Variants in DUSP4 observed in about 807,000 individuals in gnomAD.
The protein encoded by DUSP4 is dual specificity protein phosphatase 4.
DUSP4 carries 12 observed loss-of-function variants against 27.2 expected under a neutral mutation model. That is an observed-to-expected ratio of 0.44 (90% CI 0.28 to 0.71). The LOEUF (loss-of-function observed/expected upper bound fraction) is 0.71, where lower values mean the gene tolerates loss of function less well. Among genes scored for constraint, DUSP4 ranks in the 30% least tolerant of loss-of-function variants. The probability of loss-of-function intolerance (pLI) is 0.14; values close to 1 mark genes in which losing one functional copy is unlikely to be tolerated. For synonymous variants in DUSP4, 257 were observed against 245.2 expected (o/e 1.05, Z -0.45); for missense variants, 448 against 551.3 (o/e 0.81, Z 1.88).
Position 29,345,988 on chromosome 8 carries a change from G to T in DUSP4, c.433+3858C>A, listed in dbSNP as rs149314593. The stretch of plus-strand genomic sequence containing the variant: ...GTCATTTTCCCTTTAGGTAGAAAAG[G>T]TATGCAATATTGACATCCCCCAGAG... On this transcript the variant is annotated intron_variant, in intron 1 of 3. Coordinates refer to ENST00000240100, the MANE Select transcript of DUSP4 (RefSeq NM_001394.7). 5 of 669,904 alleles carry T rather than the reference G, an allele frequency of 7.5e-6. No individual in the cohort carries two copies. The African/African-American group carries it at 1.5e-4, about 20-fold the overall frequency. The allele number at this position is 669,904 out of a possible 1,614,324, so 41.5% of individuals were successfully genotyped here.
At chr8:29,339,946 G>A in intron 2 of DUSP4, 152 bp downstream of exon 2, 1 of 1,068,294 alleles carries the variant, frequency 9.4e-7, no homozygotes, top group Non-Finnish European at 1.3e-6. Context: ...GCTGCAGTAA[G>A]CTATGATCAC....
chr8:29,336,901 G>T lies in DUSP4; in HGVS notation c.*125C>A, dbSNP rs747589308. 1.4e-4 allele frequency: 197 copies of T among 1,378,860 alleles called. 1 individual carries two copies. The highest frequency in any genetic ancestry group is 1.7e-4 in the Non-Finnish European group (180 of 1,048,908). 85.4% of individuals were successfully genotyped at this position (1,378,860 alleles called of 1,614,324 possible). A position where few individuals can be genotyped will look rare whatever the true frequency, so the allele number is the denominator to read the frequency against. ...CTGGCTGGCCTCGTCGTTGGCCAAG[G>T]AGAAATGATGGGGAAGGAGCTCGGT... On this transcript the variant is annotated 3_prime_UTR_variant, in exon 4 of 4. Transcript: ENST00000240100.
At chr8:29,345,305 T>C (rs1039955899) in intron 1 of DUSP4, 1 of 1,581,430 alleles carries the variant, frequency 6.3e-7, no homozygotes, top group Admixed American at 1.8e-5. Context: ...ATGTGACTGT[T>C]GACTTAGTAA....
intron 1 of DUSP4, chr8:29,345,941 A>ATATTTGCAAGCAAAAAGGCTATTT: frequency 1.0e-6 from 1 of 987,990 alleles, no homozygotes; most frequent in Non-Finnish European, 1.2e-6. Context: ...AGAAACTACC[A>ATATTTGCAAGCAAAAAGGCTATTT]TATTTGCAAG....
intron 1 of DUSP4, among the ~76,000 whole-genome samples, chr8:29,343,167 CAAAAAAAA>C (rs3052311): frequency 1.2e-5 from 1 of 86,568 alleles, no homozygotes; most frequent in Non-Finnish European, 2.4e-5. Context: ...GACTCCATCT[CAAAAAAAA>C]AAAAAAAAAA....
Position 29,338,359 on chromosome 8 carries a change from T to C in DUSP4, c.722A>G (p.Gln241Arg), listed in dbSNP as rs759604128. 1.1e-5 allele frequency: 17 copies of C among 1,614,204 alleles called. 2 individuals are homozygous for C. The South Asian group carries it at 1.9e-4, about 18-fold the overall frequency. Residue 241 changes from glutamine to arginine, a missense_variant, in exon 3 of 4, where the codon CAG becomes CGG. Coordinates refer to ENST00000240100, the MANE Select transcript of DUSP4 (RefSeq NM_001394.7). ...DCPNHFEGHY[Q>R]YKCIPVEDNH... ...ATCTTCCACTGGGATGCACTTGTAC[T>C]GATAGTGTCCTTCAAAGTGGTTTGG... is the stretch of plus-strand genomic sequence containing the variant.
At chr8:29,347,965 C>A in intron 1 of DUSP4, 1 of 985,522 alleles carries the variant, frequency 1.0e-6, no homozygotes, top group Non-Finnish European at 1.2e-6. Context: ...TCCCTCTCTC[C>A]CCGGGAGCGG....
rs541408797 is a variant in DUSP4, at chr8:29,350,371, G to C, written c.-93C>G. 2,586 of 1,429,598 alleles carry C rather than the reference G, an allele frequency of 1.8e-3. 3 individuals carry two copies. Among genetic ancestry groups the C allele is most frequent in the Non-Finnish European group, 2.2e-3 (2,384 of 1,085,722 alleles). 88.6% of individuals were successfully genotyped at this position (1,429,598 alleles called of 1,614,324 possible). On this transcript the variant is annotated 5_prime_UTR_variant, in exon 1 of 4. Transcript: ENST00000240100. The stretch of plus-strand genomic sequence containing the variant: ...GAAAGGGGCGGGCGAGAGCTAAGAA[G>C]GGACGCCTGCAGAAGTGGCCGCAAA...
rs1450939585 is a variant in DUSP4 at position 29,334,627 on chromosome 8, T to G, written c.*2399A>C. ...GTACTCGTTCTATAAAAATGGAATC[T>G]GTTCTGCAGGTTACCGTCCCTCCCC... is the stretch of plus-strand genomic sequence containing the variant. On this transcript the variant is annotated 3_prime_UTR_variant, in exon 4 of 4. Transcript: ENST00000240100. 1 of 152,234 alleles carries G rather than the reference T, an allele frequency of 6.6e-6. No individual in the cohort carries two copies. The highest frequency in any genetic ancestry group is 1.5e-5 in the Non-Finnish European group (1 of 68,046). The allele number at this position is 152,234 out of a possible 1,614,324, so 9.4% of individuals were successfully genotyped here. A position where few individuals can be genotyped will look rare whatever the true frequency, so the allele number is the denominator to read the frequency against.
chr8:29,349,890 G>T lies in DUSP4; in HGVS notation c.389C>A (p.Ala130Glu). The change falls in exon 1 of 4, where the codon GCG (alanine) becomes GAG (glutamate). Residue 130 changes from alanine (A) to glutamate (E), a missense_variant. Around this residue, in one of 3 missense-constraint regions of DUSP4, gnomAD observed 345 missense variants for 394.0 expected, o/e 0.88. Transcript: ENST00000240100. ...EDSTVSLVVQ[A>E]LRRNAERTDI... ...GGTGCGCTCGGCGTTGCGGCGCAGCGCCTGCACCACCAGCGACACGGTGCT... is the reference window on the plus strand; with the variant it reads ...GGTGCGCTCGGCGTTGCGGCGCAGCTCCTGCACCACCAGCGACACGGTGCT... 1 of 1,540,862 alleles carries T rather than the reference G, an allele frequency of 6.5e-7. No homozygotes were observed. Among genetic ancestry groups the T allele is most frequent in the Admixed American group, 1.9e-5 (1 of 52,988 alleles).
chr8:29,344,831 CT>C (rs1207397990), intron 1 of DUSP4, among the ~76,000 whole-genome samples: 5,014 of 144,660 alleles, frequency 0.035, 248 homozygotes, highest in Admixed American at 0.13. Flanking sequence ...GGTCATGGAT[CT>C]TTTTTTTTTT....
rs1817670094 is a variant in DUSP4, at chr8:29,342,559, C to T, written c.434-2316G>A. On this transcript the variant is annotated intron_variant, in intron 1 of 3. Coordinates refer to ENST00000240100, the MANE Select transcript of DUSP4 (RefSeq NM_001394.7). Reference sequence around the variant, plus strand: ...TACTGGGCATTTGACAGCCTGCTCTCCTGGAAACCTGTCTCTTGGTTTCCG... The same window carrying T: ...TACTGGGCATTTGACAGCCTGCTCTTCTGGAAACCTGTCTCTTGGTTTCCG... Among the ~76,000 whole-genome samples the T allele has an allele frequency of 2.0e-5, 3 of 152,160 alleles. No homozygotes were observed. In the South Asian group the frequency reaches 6.2e-4, roughly 32 times the overall value.
At chr8:29,338,681 A>G (rs189327978) in intron 2 of DUSP4, among the ~76,000 whole-genome samples, 180 bp from the exon 3 acceptor site, 115 of 152,280 alleles carry the variant, frequency 7.6e-4, no homozygotes, top group Middle Eastern at 3.4e-3. Context: ...TGATAGGCCC[A>G]GTGGGACTTC....
chr8:29,341,488 T>C (rs1817655176), intron 1 of DUSP4, among the ~76,000 whole-genome samples: 1 of 152,192 alleles, frequency 6.6e-6, no homozygotes, highest in African/African-American at 2.4e-5. Context: ...GTGTACATTT[T>C]TTCCTCTCTG....
In DUSP4 at chr8:29,337,152, C is replaced by T. The variant is rs1248373215; in HGVS notation, c.1059G>A (p.Arg353=). The T allele has an allele frequency of 1.2e-6, 2 of 1,611,216 alleles. No individual in the cohort carries two copies. The highest frequency in any genetic ancestry group is 1.3e-5 in the African/African-American group (1 of 75,008). The change falls in exon 4 of 4, where the codon CGG becomes CGA. Residue 353 remains arginine, a synonymous_variant. Transcript: ENST00000240100. This position sits in a 1 kb window ranked among gnomAD's most constrained non-coding sequence, Gnocchi z 6.4. ...AGGTGGGGGTGGCGGGGGTCTTGCC[C>T]CGCTCCCGCAGGGGTCCCGAGGGGC... ...AASPSGPLRE[R]GKTPATPTSQ... is the part of the protein sequence containing the mutation.
Position 29,336,883 on chromosome 8 carries a change from G to A in DUSP4, c.*143C>T. The stretch of plus-strand genomic sequence containing the variant: ...GGAGTCCTTATTGCCATTCTGGCTG[G>A]CCTCGTCGTTGGCCAAGGAGAAATG... On this transcript the variant is annotated 3_prime_UTR_variant, in exon 4 of 4. Transcript: ENST00000240100. 1 of 1,220,188 alleles carries A rather than the reference G, an allele frequency of 8.2e-7. No homozygotes were observed. The highest frequency in any genetic ancestry group is 1.1e-6 in the Non-Finnish European group (1 of 906,194). 75.6% of individuals were successfully genotyped at this position (1,220,188 alleles called of 1,614,324 possible).
Position 29,350,175 on chromosome 8 carries a change from C to A in DUSP4, c.104G>T (p.Gly35Val), listed in dbSNP as rs527419472. The A allele has an allele frequency of 6.2e-7, 1 of 1,607,706 alleles. No homozygotes were observed. Among genetic ancestry groups the A allele is most frequent in the South Asian group, 1.1e-5 (1 of 90,934 alleles). ...GCCGCCGCTCGGCAGCCCCAGGGTG[C>A]CGTGGCTGCCGCTGCCGCCCGCGCC... ...GGGAGGSGSH[G>V]TLGLPSGGKC... The change falls in exon 1 of 4, where the codon GGC becomes GTC. Residue 35 changes from glycine (G) to valine (V), a missense_variant. By Grantham distance (109) the Gly-to-Val change is moderately radical. Transcript: ENST00000240100.
At chr8:29,346,008 C>T in intron 1 of DUSP4, 1 of 986,978 alleles carries the variant, frequency 1.0e-6, no homozygotes, top group Non-Finnish European at 1.2e-6. Context: ...TTGACATCCC[C>T]CAGAGCTGTG....
At chr8:29,348,116 C>G in intron 1 of DUSP4, 1 of 985,570 alleles carries the variant, frequency 1.0e-6, no homozygotes. Flanking sequence ...GGCTGGAACC[C>G]AGTCCCAGCC....
Sources: gnomAD v4.1 joint callset for allele counts (sites outside exome capture counted in the v4.1 genomes callset) on GRCh38, gnomAD v4.1.1 for gene constraint, gnomAD v4.1.1 regional missense constraint, Gnocchi (gnomAD v3.1) non-coding constraint, MANE v1.5 for transcripts, NCBI Gene and HGNC (gene_info 2026-07-23, HGNC 2026-07-21) for gene names.